Variants in ARMC9 observed in about 807,000 individuals in gnomAD.
ARMC9 encodes the protein armadillo repeat containing 9, also known as lisH domain-containing protein ARMC9.
ARMC9 carries 94 observed loss-of-function variants against 107.0 expected under a neutral mutation model. The ratio of observed to expected loss-of-function variants is 0.88; its 90% CI spans 0.74 to 1.04. ARMC9 has a LOEUF of 1.04. Ranked by LOEUF, ARMC9 falls within the 50% of genes least tolerant of loss-of-function variation. The pLI is 0.00. For missense variants in ARMC9, 942 were observed against 1,030.1 expected (o/e 0.91, Z 1.17); for synonymous variants, 380 against 396.9 (o/e 0.96, Z 0.51).
chr2:231,216,866 C>A, intron 5 of ARMC9, 73 bp downstream of exon 5: 1 of 1,483,308 alleles, frequency 6.7e-7, no homozygotes, highest in Non-Finnish European at 9.1e-7. Context: ...ATGCTGGGGG[C>A]TTCTGAATGA....
intron 14 of ARMC9, 68 bp downstream of exon 14, chr2:231,273,146 C>T: frequency 6.4e-7 from 1 of 1,550,654 alleles, no homozygotes; most frequent in Non-Finnish European, 8.7e-7. Context: ...CCCATGGCAA[C>T]CCAGGAGGCA....
At chr2:231,207,042 C>T (rs150776136) in intron 2 of ARMC9, among the ~76,000 whole-genome samples, 1 of 152,196 alleles carries the variant, frequency 6.6e-6, no homozygotes, top group Non-Finnish European at 1.5e-5. Context: ...TCTTGTTCTG[C>T]CGCCTAGGCT....
intron 4 of ARMC9, among the ~76,000 whole-genome samples, chr2:231,216,280 A>G (rs140925609): frequency 4.3e-4 from 65 of 152,316 alleles, no homozygotes; most frequent in African/African-American, 1.5e-3. Flanking sequence ...AGTAGAAGCA[A>G]TGTGTCTAGG....
chr2:231,210,729 TCA>T (rs2032710854), intron 3 of ARMC9, among the ~76,000 whole-genome samples: 4 of 152,360 alleles, frequency 2.6e-5, no homozygotes, highest in South Asian at 4.1e-4. Context: ...CTGAGAACAC[TCA>T]AATGTCTCTT....
intron 11 of ARMC9, 135 bp from the exon 12 acceptor site, chr2:231,262,171 C>T: frequency 1.2e-6 from 1 of 829,808 alleles, no homozygotes. Flanking sequence ...CCACCACTCC[C>T]CAAGCTGGAT....
rs566804368 is a variant in ARMC9 at position 231,359,089 on chromosome 2, T to G, written c.2132-1665T>G. 1.4e-3 allele frequency among the ~76,000 whole-genome samples: 202 copies of G among 146,662 alleles called. 1 individual carries two copies. Among genetic ancestry groups the G allele is most frequent in the Admixed American group, 1.9e-3 (28 of 14,924 alleles). On this transcript the variant is annotated intron_variant, in intron 22 of 24. Transcript: ENST00000611582. ...TAGTTAGGGGGGTCTCCTGTTTTTTTTTTTTTTTTTTTTTGAGATGGAGTC... is the reference window on the plus strand; with the variant it reads ...TAGTTAGGGGGGTCTCCTGTTTTTTGTTTTTTTTTTTTTTGAGATGGAGTC...
chr2:231,220,634 T>G (rs1376119910), intron 5 of ARMC9, among the ~76,000 whole-genome samples: 1 of 150,024 alleles, frequency 6.7e-6, no homozygotes, highest in African/African-American at 2.4e-5. Flanking sequence ...CTTGGCTTCC[T>G]AGCTCTAATT....
At chr2:231,233,077 C>CTGG (rs1439780338) in intron 7 of ARMC9, among the ~76,000 whole-genome samples, 5 of 152,186 alleles carry the variant, frequency 3.3e-5, no homozygotes, top group African/African-American at 1.2e-4. Flanking sequence ...TCTCGAACTC[C>CTGG]TGGTCTCAGG....
intron 19 of ARMC9, among the ~76,000 whole-genome samples, chr2:231,299,295 A>G (rs2041576384): frequency 6.6e-6 from 1 of 152,238 alleles, no homozygotes; most frequent in Non-Finnish European, 1.5e-5. Context: ...AATTTCGGAA[A>G]AAGCAAATGT....
At chr2:231,344,550 T>A (rs893390901) in intron 20 of ARMC9, among the ~76,000 whole-genome samples, 4 of 152,260 alleles carry the variant, frequency 2.6e-5, no homozygotes, top group Non-Finnish European at 5.9e-5. Flanking sequence ...TTGCTTCAAA[T>A]ACTTCTTCCA....
chr2:231,256,912 G>A (rs906313668), intron 10 of ARMC9, among the ~76,000 whole-genome samples: 3 of 152,112 alleles, frequency 2.0e-5, no homozygotes, highest in African/African-American at 4.8e-5. Flanking sequence ...CAGAACCTCC[G>A]CCTCCTGGGT....
Position 231,297,093 on chromosome 2 carries a change from A to G in ARMC9, c.1773+840A>G, listed in dbSNP as rs2041425553. ...GTAAAAGCCAGGTTTTTGATCACTG[A>G]TGGCATCAGTTGGGAAAGAGGTATT... On this transcript the variant is annotated intron_variant, in intron 19 of 24. Coordinates refer to ENST00000611582, the MANE Select transcript of ARMC9 (RefSeq NM_001352754.2). This position sits in a 1 kb window ranked among gnomAD's most constrained non-coding sequence, Gnocchi z 4.2. 6.6e-6 allele frequency among the ~76,000 whole-genome samples: 1 copy of G among 152,202 alleles called. No individual in the cohort carries two copies. Among genetic ancestry groups the G allele is most frequent in the African/African-American group, 2.4e-5 (1 of 41,444 alleles).
intron 22 of ARMC9, 97 bp downstream of exon 22, chr2:231,356,031 T>C: frequency 7.0e-7 from 1 of 1,425,452 alleles, no homozygotes; most frequent in Non-Finnish European, 9.3e-7. Context: ...CGTCTGCTCC[T>C]GGGAAGCCCT....
At chr2:231,352,737 ATAGGTAGG>A in intron 21 of ARMC9, among the ~76,000 whole-genome samples, 1 of 151,294 alleles carries the variant, frequency 6.6e-6, no homozygotes, top group African/African-American at 2.5e-5. Context: ...TGGATAGAAG[ATAGGTAGG>A]TAGGTAGGTA....
rs57281457 is a variant in ARMC9 at position 231,354,538 on chromosome 2, C to T, written c.1995-1260C>T. Reference sequence around the variant, plus strand: ...CTGGGACTACAGGCATACATCACCACGTCCCACTAATTTTTATATTTTTAG... The same window carrying T: ...CTGGGACTACAGGCATACATCACCATGTCCCACTAATTTTTATATTTTTAG... On this transcript the variant is annotated intron_variant, in intron 21 of 24. Transcript: ENST00000611582. Among the ~76,000 whole-genome samples the T allele has an allele frequency of 1.0e-3, 158 of 152,104 alleles. 6 individuals carry two copies. In the East Asian group the frequency reaches 0.028, roughly 27 times the overall value.
chr2:231,265,151 G>A (rs567535881), intron 12 of ARMC9, among the ~76,000 whole-genome samples: 1 of 152,090 alleles, frequency 6.6e-6, no homozygotes, highest in Non-Finnish European at 1.5e-5. Context: ...TTACACTGCT[G>A]GTGGCAATGT....
At chr2:231,280,457 CA>C (rs1254073690) in intron 16 of ARMC9, among the ~76,000 whole-genome samples, 1 of 149,612 alleles carries the variant, frequency 6.7e-6, no homozygotes, top group South Asian at 2.1e-4. Flanking sequence ...GACTCTGTCT[CA>C]AAAAAATAAA....
intron 3 of ARMC9, among the ~76,000 whole-genome samples, chr2:231,213,827 A>C (rs1211244573): frequency 6.6e-6 from 1 of 152,174 alleles, no homozygotes; most frequent in Non-Finnish European, 1.5e-5. Flanking sequence ...GGTAAATAAC[A>C]ATGGTATTGG....
Position 231,241,056 on chromosome 2 carries a change from AGCGTGGTGGTGGGCACCT to A in ARMC9, c.879+1017_879+1034del, listed in dbSNP as rs1252633038. ...CTACTAAACATACAAAAATTAGCCA[AGCGTGGTGGTGGGCACCT>A]GTAGTCCCAGCTACTTGGGAGGCTG... On this transcript the variant is annotated intron_variant, in intron 9 of 24. Transcript: ENST00000611582. Among the ~76,000 whole-genome samples, 20 of 152,048 alleles carry A rather than the reference AGCGTGGTGGTGGGCACCT, an allele frequency of 1.3e-4. No homozygotes were observed. In the East Asian group the frequency reaches 3.5e-3, roughly 27 times the overall value.
Sources: gnomAD v4.1 joint callset for allele counts (sites outside exome capture counted in the v4.1 genomes callset) on GRCh38, gnomAD v4.1.1 for gene constraint, Gnocchi (gnomAD v3.1) non-coding constraint, MANE v1.5 for transcripts, NCBI Gene and HGNC (gene_info 2026-07-23, HGNC 2026-07-21) for gene names.